TMCC1: variants seen among roughly 807,000 people sequenced by gnomAD.
TMCC1 encodes transmembrane and coiled-coil domains protein 1.
In TMCC1, 15 loss-of-function variants were observed where a neutral mutation model predicts 52.4. That is an observed-to-expected ratio of 0.29 (90% CI 0.19 to 0.44). The LOEUF is 0.44. TMCC1 is among the 20% of genes least tolerant of loss of function. The pLI is 1.00. For missense variants in TMCC1, 503 were observed against 806.0 expected (o/e 0.62, Z 4.55); for synonymous variants, 279 against 301.9 (o/e 0.92, Z 0.79).
intron 1 of TMCC1, among the ~76,000 whole-genome samples, chr3:129,880,888 A>C (rs2061428028): frequency 1.4e-5 from 2 of 143,456 alleles, no homozygotes. Flanking sequence ...TTTGAGACAG[A>C]GTTTTGCTCT....
intron 2 of TMCC1, among the ~76,000 whole-genome samples, chr3:129,843,925 AAC>A (rs2059541829): frequency 6.8e-6 from 1 of 146,660 alleles, no homozygotes; most frequent in African/African-American, 2.5e-5. Flanking sequence ...AAAAAAAAAA[AAC>A]AACTCTGCAT....
intron 4 of TMCC1, among the ~76,000 whole-genome samples, chr3:129,796,792 G>GA (rs2056857924): frequency 6.6e-6 from 1 of 152,194 alleles, no homozygotes; most frequent in Non-Finnish European, 1.5e-5. Flanking sequence ...AGTGAGGCAT[G>GA]ATGCTCCAGT....
At chr3:129,782,517 T>C (rs1268626807) in intron 4 of TMCC1, among the ~76,000 whole-genome samples, 1 of 152,192 alleles carries the variant, frequency 6.6e-6, no homozygotes. Context: ...GAGAGTAGTA[T>C]GGGTGAAATG....
At chr3:129,800,727 T>C (rs1185245366) in intron 4 of TMCC1, among the ~76,000 whole-genome samples, 2 of 152,142 alleles carry the variant, frequency 1.3e-5, no homozygotes, top group Non-Finnish European at 2.9e-5. Context: ...AGTAGTCATA[T>C]TTTGCTATTT....
At chr3:129,791,306 G>A (rs144729788) in intron 4 of TMCC1, among the ~76,000 whole-genome samples, 41 of 152,100 alleles carry the variant, frequency 2.7e-4, no homozygotes, top group African/African-American at 9.9e-4. Context: ...TGTTAGCCAG[G>A]ATGGTCTCGA....
intron 4 of TMCC1, among the ~76,000 whole-genome samples, chr3:129,760,612 G>C (rs905185883): frequency 6.6e-6 from 1 of 151,874 alleles, no homozygotes; most frequent in Non-Finnish European, 1.5e-5. Context: ...TAAGTAGCTG[G>C]GACTACAGGC....
intron 4 of TMCC1, among the ~76,000 whole-genome samples, chr3:129,806,401 C>G (rs192897405): frequency 7.8e-4 from 119 of 152,292 alleles, no homozygotes; most frequent in Admixed American, 3.6e-3. Flanking sequence ...TCTTATGGAA[C>G]ACAGGCACCC....
chr3:129,848,020 A>T (rs1294065683), intron 2 of TMCC1: 4 of 152,070 alleles, frequency 2.6e-5, no homozygotes, highest in Non-Finnish European at 5.9e-5. Flanking sequence ...TTGTCTTTCA[A>T]TTCTTGAGTT....
chr3:129,698,683 G>C (rs1227150360), intron 4 of TMCC1, among the ~76,000 whole-genome samples: 2 of 152,134 alleles, frequency 1.3e-5, no homozygotes, highest in Non-Finnish European at 2.9e-5. Flanking sequence ...AAAAGTAATT[G>C]TTTAGTTAGA....
intron 4 of TMCC1, among the ~76,000 whole-genome samples, chr3:129,743,605 T>G (rs1269173035): frequency 6.6e-6 from 1 of 152,162 alleles, no homozygotes; most frequent in Admixed American, 6.5e-5. Flanking sequence ...ATACCAGAAT[T>G]AGAAATACTG....
At chr3:129,780,466 T>C (rs958516524) in intron 4 of TMCC1, among the ~76,000 whole-genome samples, 3 of 152,168 alleles carry the variant, frequency 2.0e-5, no homozygotes, top group East Asian at 3.9e-4. Context: ...ACCCATCCGT[T>C]TTTCCACTAT....
intron 4 of TMCC1, among the ~76,000 whole-genome samples, chr3:129,687,018 T>C (rs996357336): frequency 4.6e-5 from 7 of 152,232 alleles, no homozygotes; most frequent in African/African-American, 1.7e-4. Context: ...TGAAAGGTTT[T>C]GATCATCTTA....
chr3:129,878,331 CA>C (rs2061318706), intron 2 of TMCC1, among the ~76,000 whole-genome samples: 2 of 152,176 alleles, frequency 1.3e-5, no homozygotes, highest in Non-Finnish European at 2.9e-5. Flanking sequence ...ACTTCTCCTG[CA>C]AACTTGTTTC....
chr3:129,878,377 C>T (rs2061320793), intron 2 of TMCC1, among the ~76,000 whole-genome samples: 1 of 152,184 alleles, frequency 6.6e-6, no homozygotes, highest in Non-Finnish European at 1.5e-5. Flanking sequence ...CAATAAATGA[C>T]AACTGCATTC....
chr3:129,673,119 A>G (rs1217703246), intron 4 of TMCC1, among the ~76,000 whole-genome samples: 1 of 152,190 alleles, frequency 6.6e-6, no homozygotes, highest in Non-Finnish European at 1.5e-5. Flanking sequence ...ATAAAAGAGA[A>G]TATCTGGAAT....
intron 4 of TMCC1, among the ~76,000 whole-genome samples, chr3:129,672,632 A>G (rs1011041669): frequency 6.6e-6 from 1 of 152,166 alleles, no homozygotes; most frequent in African/African-American, 2.4e-5. Flanking sequence ...CTCTCTGTTA[A>G]GCAGTAACAG....
At chr3:129,769,317 C>A (rs2054362967) in intron 4 of TMCC1, among the ~76,000 whole-genome samples, 1 of 152,224 alleles carries the variant, frequency 6.6e-6, no homozygotes, top group Non-Finnish European at 1.5e-5. Context: ...GCAACCTCTG[C>A]CTCTCGGGTT....
At chr3:129,657,705 A>G (rs2108852889) in intron 5 of TMCC1, among the ~76,000 whole-genome samples, 1 of 152,324 alleles carries the variant, frequency 6.6e-6, no homozygotes, top group East Asian at 1.9e-4. Context: ...AGTGGAGTTG[A>G]TGGGAGAAGG....
chr3:129,673,265 C>T (rs752979113), intron 4 of TMCC1, among the ~76,000 whole-genome samples: 5 of 152,066 alleles, frequency 3.3e-5, no homozygotes, highest in Non-Finnish European at 4.4e-5. Context: ...AAGCAAGGTG[C>T]CAAGAGTTGC....
Sources: allele counts gnomAD v4.1 joint callset (sites outside exome capture counted in the v4.1 genomes callset), GRCh38; gene constraint gnomAD v4.1.1; transcripts MANE v1.5; gene names NCBI Gene and HGNC (gene_info 2026-07-23, HGNC 2026-07-21).